Variants in PPP3CB observed in about 807,000 individuals in gnomAD.
The protein encoded by PPP3CB is protein phosphatase 3 catalytic subunit beta, also known as serine/threonine-protein phosphatase 2B catalytic subunit beta isoform.
PPP3CB carries 8 observed loss-of-function variants against 66.4 expected under a neutral mutation model. The ratio of observed to expected loss-of-function variants is 0.12; its 90% CI spans 0.07 to 0.22. PPP3CB has a LOEUF of 0.22. Ranked by LOEUF, PPP3CB falls within the 10% of genes least tolerant of loss-of-function variation. PPP3CB has a pLI of 1.00. For missense variants in PPP3CB, 319 were observed against 642.5 expected (o/e 0.50, Z 5.44); for synonymous variants, 208 against 221.2 (o/e 0.94, Z 0.53).
At chr10:73,487,940 C>T (rs1053338220) in intron 1 of PPP3CB, among the ~76,000 whole-genome samples, 1 of 151,916 alleles carries the variant, frequency 6.6e-6, no homozygotes, top group African/African-American at 2.4e-5. Flanking sequence ...ACCATCACAC[C>T]CGGCTAATTA....
chr10:73,459,750 T>C (rs976885097), intron 9 of PPP3CB, among the ~76,000 whole-genome samples: 18 of 152,174 alleles, frequency 1.2e-4, no homozygotes, highest in Admixed American at 2.0e-4. Flanking sequence ...CTGTCCAGAA[T>C]AGGTGAATCT....
At position 73,438,286 on chromosome 10, in the gene PPP3CB, G is replaced by C; in HGVS notation, c.1531C>G (p.His511Asp). 1 of 1,614,158 alleles carries C rather than the reference G, an allele frequency of 6.2e-7. No individual in the cohort carries two copies. Among genetic ancestry groups the C allele is most frequent in the Non-Finnish European group, 8.5e-7 (1 of 1,180,024 alleles). ...QDGFNSLNTA[H>D]ATENHGTGNH... The stretch of plus-strand genomic sequence containing the variant: ...CCCGTCCCGTGGTTCTCAGTGGCAT[G>C]TGCGGTGTTCAGAGAATTGAAACCA... Residue 511 changes from histidine (H) to aspartate (D), a missense_variant, in exon 14 of 14, where the codon CAT becomes GAT. Physicochemically the swap from His to Asp is moderately conservative, Grantham distance 81. This residue lies in a region of PPP3CB where 25 missense variants were observed against 26.4 expected (regional missense o/e 0.95). Transcript: ENST00000360663.
intron 4 of PPP3CB, among the ~76,000 whole-genome samples, 180 bp from the exon 5 acceptor site, chr10:73,471,793 G>C (rs2056706178): frequency 6.6e-6 from 1 of 152,132 alleles, no homozygotes; most frequent in Non-Finnish European, 1.5e-5. Context: ...CAGACAGACA[G>C]ACAGATGGCA....
chr10:73,470,101 G>A (rs2056679166), intron 8 of PPP3CB, among the ~76,000 whole-genome samples: 1 of 152,128 alleles, frequency 6.6e-6, no homozygotes, highest in Non-Finnish European at 1.5e-5. Flanking sequence ...GTGGGGAAAT[G>A]AAAATCTCTG....
rs1442856883 is a variant in PPP3CB, at chr10:73,437,012, A to C, written c.*1230T>G. 1.3e-5 allele frequency: 2 copies of C among 152,684 alleles called. No homozygotes were observed. Among genetic ancestry groups the C allele is most frequent in the Non-Finnish European group, 2.9e-5 (2 of 68,052 alleles). 9.5% of individuals were successfully genotyped at this position (152,684 alleles called of 1,614,324 possible). ...GGAAGCAGGCCACCAAAGTAAAGGG[A>C]AATACCAAACTACAGTGGCAATCAA... On this transcript the variant is annotated 3_prime_UTR_variant, in exon 14 of 14. Coordinates refer to ENST00000360663, the MANE Select transcript of PPP3CB (RefSeq NM_021132.4).
chr10:73,439,491 C>CT (rs2056113361), intron 13 of PPP3CB, among the ~76,000 whole-genome samples: 1 of 152,128 alleles, frequency 6.6e-6, no homozygotes, highest in South Asian at 2.1e-4. Flanking sequence ...GAAAAAAAAT[C>CT]TGAGTAGCAT....
chr10:73,478,435 G>C (rs1459872357), intron 3 of PPP3CB, 64 bp downstream of exon 3: 4 of 1,444,074 alleles, frequency 2.8e-6, no homozygotes, highest in Non-Finnish European at 3.8e-6. Context: ...TGAAAACTAG[G>C]ATTAAGTGAA....
intron 10 of PPP3CB, among the ~76,000 whole-genome samples, chr10:73,447,567 A>ACT (rs1177176085): frequency 6.6e-6 from 1 of 152,220 alleles, no homozygotes; most frequent in Non-Finnish European, 1.5e-5. Context: ...ACACTAATTC[A>ACT]AAAGGGGCCT....
intron 11 of PPP3CB, among the ~76,000 whole-genome samples, chr10:73,446,274 A>G (rs2056251668): frequency 6.6e-6 from 1 of 151,084 alleles, no homozygotes; most frequent in Admixed American, 6.6e-5. Context: ...TAATTTTTGT[A>G]TATTTAGTAG....
intron 9 of PPP3CB, among the ~76,000 whole-genome samples, chr10:73,461,469 T>TA (rs2056520159): frequency 6.6e-6 from 1 of 152,066 alleles, no homozygotes; most frequent in African/African-American, 2.4e-5. Context: ...AAAAAAAATT[T>TA]AATGACTGCC....
chr10:73,493,153 A>G (rs151179749), intron 1 of PPP3CB, among the ~76,000 whole-genome samples: 7,027 of 151,814 alleles, frequency 0.046, 497 homozygotes, highest in African/African-American at 0.15. Flanking sequence ...GCGCGCACCT[A>G]TAATCCCAGC....
At chr10:73,442,631 TTC>T (rs923799244) in intron 12 of PPP3CB, among the ~76,000 whole-genome samples, 1 of 152,110 alleles carries the variant, frequency 6.6e-6, no homozygotes, top group Non-Finnish European at 1.5e-5. Context: ...ATTCATGAAA[TTC>T]TTTTTAGTTC....
At chr10:73,464,024 G>A (rs940222991) in intron 9 of PPP3CB, among the ~76,000 whole-genome samples, 5 of 152,018 alleles carry the variant, frequency 3.3e-5, no homozygotes, top group Admixed American at 3.3e-4. Context: ...TCCACCTCCT[G>A]GGTTCAAGCA....
intron 1 of PPP3CB, among the ~76,000 whole-genome samples, chr10:73,494,587 G>A (rs768164709): frequency 1.5e-4 from 22 of 151,710 alleles, no homozygotes; most frequent in Admixed American, 1.2e-3. Flanking sequence ...GAGCCACCAC[G>A]CCAGGCCAAA....
chr10:73,464,373 T>C (rs1179443905), intron 9 of PPP3CB, among the ~76,000 whole-genome samples: 1 of 152,188 alleles, frequency 6.6e-6, no homozygotes, highest in Non-Finnish European at 1.5e-5. Context: ...GTATCTGTAT[T>C]TCCTTGGTAC....
rs1377427112 is a variant in PPP3CB, at chr10:73,468,828, G to GA, written c.983-1151dup. ...TGTTTTGACAATCAGTTCAAAGTGG[G>GA]AAAAAAGAGTATTTTAAATTAGTCT... On this transcript the variant is annotated intron_variant, in intron 8 of 13. Transcript: ENST00000360663. Among the ~76,000 whole-genome samples the GA allele has an allele frequency of 3.3e-5, 5 of 151,990 alleles. No individual in the cohort carries two copies. In the East Asian group the frequency reaches 7.7e-4, roughly 23 times the overall value.
At chr10:73,471,660 G>A in intron 4 of PPP3CB, 47 bp from the exon 5 acceptor site, 1 of 1,434,404 alleles carries the variant, frequency 7.0e-7, no homozygotes, top group Non-Finnish European at 9.5e-7. Flanking sequence ...TGGTGGTGGT[G>A]TGACCATTTT....
intron 8 of PPP3CB, among the ~76,000 whole-genome samples, chr10:73,470,440 T>C (rs1488235230): frequency 6.6e-6 from 1 of 152,228 alleles, no homozygotes; most frequent in Non-Finnish European, 1.5e-5. Context: ...TTTTGCTTGA[T>C]GCACTTAACT....
chr10:73,477,103 C>T (rs953064184), intron 3 of PPP3CB: 4 of 507,178 alleles, frequency 7.9e-6, no homozygotes, highest in Non-Finnish European at 1.6e-5. Flanking sequence ...AGTTACTTAA[C>T]CTCTCTAAGC....
Sources: gnomAD v4.1 joint callset for allele counts (sites outside exome capture counted in the v4.1 genomes callset) on GRCh38, gnomAD v4.1.1 for gene constraint, gnomAD v4.1.1 regional missense constraint, MANE v1.5 for transcripts, NCBI Gene and HGNC (gene_info 2026-07-23, HGNC 2026-07-21) for gene names.